The following PLEK2 variants were observed in gnomAD, a reference collection of about 807,000 sequenced individuals.
PLEK2 encodes pleckstrin-2.
In PLEK2, 29 loss-of-function variants were observed where a neutral mutation model predicts 43.8. That is an observed-to-expected ratio of 0.66 (90% CI 0.49 to 0.90). The LOEUF is 0.90. Among genes scored for constraint, PLEK2 ranks in the 40% least tolerant of loss-of-function variants. PLEK2 has a pLI of 0.00. For synonymous variants in PLEK2, 162 were observed against 173.2 expected, an observed-to-expected ratio of 0.94 and a Z score of 0.51; for missense variants, 398 against 448.1, an observed-to-expected ratio of 0.89 and a Z score of 1.01.
Position 67,395,545 on chromosome 14 carries a change from G to A in PLEK2, c.246C>T (p.Tyr82=). 6.2e-7 allele frequency: 1 copy of A among 1,614,168 alleles called. No individual in the cohort carries two copies. Among genetic ancestry groups the A allele is most frequent in the Non-Finnish European group, 8.5e-7 (1 of 1,179,998 alleles). ...CCTCTCGAGAACAGGCCTCCAGGAA[G>A]TACTCCGTGGATGTTTGAGTCTTCA... is the stretch of plus-strand genomic sequence containing the variant. ...IKLKTQTSTE[Y]FLEACSREER... is the part of the protein sequence containing the mutation. Residue 82 remains tyrosine (Y), a synonymous_variant, in exon 3 of 9, where the codon TAC becomes TAT. Transcript: ENST00000216446.
In PLEK2 at chr14:67,412,128, G is replaced by C; in HGVS notation, c.-69C>G. ...GCGCCTCGCGCTCCTCGGCACCCGC[G>C]CAGCCCGCGCAGTCCGCGCCCACGG... is the stretch of plus-strand genomic sequence containing the variant. On this transcript the variant is annotated 5_prime_UTR_variant, in exon 1 of 9. Transcript: ENST00000216446. 1 of 1,330,704 alleles carries C rather than the reference G, an allele frequency of 7.5e-7. No homozygotes were observed. The highest frequency in any genetic ancestry group is 9.8e-7 in the Non-Finnish European group (1 of 1,020,912). 82.4% of individuals were successfully genotyped at this position (1,330,704 alleles called of 1,614,324 possible).
At chr14:67,401,908 A>G (rs2086050831) in intron 1 of PLEK2, among the ~76,000 whole-genome samples, 1 of 152,114 alleles carries the variant, frequency 6.6e-6, no homozygotes, top group South Asian at 2.1e-4. Flanking sequence ...CGGATCACCC[A>G]ACTCCTGAGG....
Position 67,401,358 on chromosome 14 carries a change from A to G in PLEK2, c.43-3532T>C, listed in dbSNP as rs533282856. On this transcript the variant is annotated intron_variant, in intron 1 of 8. Coordinates refer to ENST00000216446, the MANE Select transcript of PLEK2 (RefSeq NM_016445.3). ...TAAATAAATAAATAAACAAATAAAT[A>G]AAAATTAGCCAGGCGTGGTGGCACG... 1.5e-3 allele frequency among the ~76,000 whole-genome samples: 222 copies of G among 152,068 alleles called. 1 individual carries two copies. The highest frequency in any genetic ancestry group is 5.1e-3 in the African/African-American group (213 of 41,488).
Position 67,392,786 on chromosome 14 carries a change from G to T in PLEK2, c.545C>A (p.Thr182Asn). 6.2e-7 allele frequency: 1 copy of T among 1,613,728 alleles called. No individual in the cohort carries two copies. The highest frequency in any genetic ancestry group is 8.5e-7 in the Non-Finnish European group (1 of 1,179,646). Residue 182 changes from threonine (T) to asparagine (N), a missense_variant, in exon 5 of 9, where the codon ACC (threonine) becomes AAC (asparagine). Thr to Asn is a moderately conservative substitution (Grantham distance 65). Coordinates refer to ENST00000216446, the MANE Select transcript of PLEK2 (RefSeq NM_016445.3). ...SFTASRLEAV[T>N]LASMLMEENF... ...CTCCTCCATGAGCATGGAGGCCAGG[G>T]TCACCGCCTCCAGACGGCTGGCCGT...
At position 67,392,819 on chromosome 14, in the gene PLEK2, T is replaced by C. The variant is rs754675767; in HGVS notation, c.512A>G (p.Asn171Ser). 4.3e-6 allele frequency: 7 copies of C among 1,613,456 alleles called. No individual in the cohort carries two copies. Among genetic ancestry groups the C allele is most frequent in the South Asian group, 2.2e-5 (2 of 90,984 alleles). The change falls in exon 5 of 9, where the codon AAC (asparagine) becomes AGC (serine). Residue 171 changes from asparagine (N) to serine (S), a missense_variant. Coordinates refer to ENST00000216446, the MANE Select transcript of PLEK2 (RefSeq NM_016445.3). Reference protein sequence around the residue: ...GSSLVDWLISNSFTASRLEAV... With the variant: ...GSSLVDWLISSSFTASRLEAV... ...CTCCAGACGGCTGGCCGTGAAGCTG[T>C]TGGAGATGAGCCAGTCCACCAGGGA...
intron 3 of PLEK2, 79 bp downstream of exon 3, chr14:67,395,320 GCCC>G: frequency 4.1e-6 from 5 of 1,230,646 alleles, no homozygotes; most frequent in Non-Finnish European, 5.8e-6. Flanking sequence ...CAAGCACAGA[GCCC>G]CCCCAAGGGG....
At chr14:67,402,135 A>G (rs1469626509) in intron 1 of PLEK2, among the ~76,000 whole-genome samples, 1 of 150,272 alleles carries the variant, frequency 6.7e-6, no homozygotes, top group Non-Finnish European at 1.5e-5. Context: ...GTCCATCTCA[A>G]ACAACAACAA....
chr14:67,393,440 T>G (rs2085983918), intron 3 of PLEK2, among the ~76,000 whole-genome samples, 199 bp from the exon 4 acceptor site: 1 of 151,988 alleles, frequency 6.6e-6, no homozygotes, highest in Admixed American at 6.6e-5. Context: ...TGATGATTGA[T>G]TTTTGTTGTT....
chr14:67,405,672 T>C (rs1456724934), intron 1 of PLEK2, among the ~76,000 whole-genome samples: 1 of 152,224 alleles, frequency 6.6e-6, no homozygotes, highest in South Asian at 2.1e-4. Context: ...GGCTTCTTAT[T>C]GGCATTCTCT....
chr14:67,388,576 TCAAA>T (rs1417272866), intron 7 of PLEK2, among the ~76,000 whole-genome samples: 2 of 152,330 alleles, frequency 1.3e-5, no homozygotes, highest in African/African-American at 2.4e-5. Flanking sequence ...TGGAGATGTC[TCAAA>T]CAGAGCCTCT....
intron 1 of PLEK2, among the ~76,000 whole-genome samples, chr14:67,401,015 A>AATG (rs1566629160): frequency 1.3e-5 from 2 of 151,804 alleles, no homozygotes; most frequent in East Asian, 3.9e-4. Context: ...TAATAATAAT[A>AATG]ATAGTATGGG....
intron 7 of PLEK2, among the ~76,000 whole-genome samples, chr14:67,388,715 TG>T (rs2085945401): frequency 6.6e-6 from 1 of 152,148 alleles, no homozygotes; most frequent in Non-Finnish European, 1.5e-5. Context: ...AGTCTCACTC[TG>T]TCTTTCAGGC....
chr14:67,395,325 C>A, intron 3 of PLEK2, 77 bp downstream of exon 3: 5 of 1,347,096 alleles, frequency 3.7e-6, no homozygotes, highest in Non-Finnish European at 5.2e-6. Flanking sequence ...ACAGAGCCCC[C>A]CCAAGGGGCA....
chr14:67,387,461 G>A lies in PLEK2; in HGVS notation c.935-5C>T, dbSNP rs1413145655. 1.3e-6 allele frequency: 2 copies of A among 1,597,018 alleles called. No individual in the cohort carries two copies. The highest frequency in any genetic ancestry group is 1.7e-6 in the Non-Finnish European group (2 of 1,174,160). On this transcript the variant is annotated splice_region_variant and splice_polypyrimidine_tract_variant and intron_variant, in intron 8 of 8. Transcript: ENST00000216446. ...CCTGGACATTCCCTTTAACCCCTAG[G>A]CAGAAAAAAGGGGGAAAAAAATCAG...
intron 7 of PLEK2, among the ~76,000 whole-genome samples, chr14:67,389,014 C>T (rs2085947824): frequency 6.6e-6 from 1 of 151,694 alleles, no homozygotes; most frequent in African/African-American, 2.4e-5. Context: ...TAGATTCCTG[C>T]ACATAGGACA....
intron 1 of PLEK2, among the ~76,000 whole-genome samples, chr14:67,400,211 G>T (rs7154607): frequency 0.2 from 31,176 of 152,114 alleles, 5,042 homozygotes; most frequent in East Asian, 0.49. Context: ...GACAACTAAA[G>T]AACACTTATA....
intron 1 of PLEK2, among the ~76,000 whole-genome samples, chr14:67,408,352 A>G (rs911447525): frequency 1.4e-5 from 2 of 141,130 alleles, no homozygotes; most frequent in Non-Finnish European, 3.1e-5. Context: ...AATAAAATAA[A>G]ATAAAAAAAG....
chr14:67,387,787 G>A (rs1475090617), intron 8 of PLEK2, among the ~76,000 whole-genome samples: 1 of 152,180 alleles, frequency 6.6e-6, no homozygotes. Flanking sequence ...TTAAAAGCAA[G>A]CATAGAATTT....
At chr14:67,400,098 T>C (rs2086037732) in intron 1 of PLEK2, among the ~76,000 whole-genome samples, 1 of 152,200 alleles carries the variant, frequency 6.6e-6, no homozygotes, top group Non-Finnish European at 1.5e-5. Context: ...CTAAGAGCTG[T>C]TAGAGAGCCA....
Sources: allele counts gnomAD v4.1 joint callset (sites outside exome capture counted in the v4.1 genomes callset), GRCh38; gene constraint gnomAD v4.1.1; transcripts MANE v1.5; gene names NCBI Gene and HGNC (gene_info 2026-07-23, HGNC 2026-07-21).